GNPNAT1: variants seen among roughly 807,000 people sequenced by gnomAD.
GNPNAT1 encodes glucosamine 6-phosphate N-acetyltransferase.
A neutral mutation model predicts 19.8 loss-of-function variants in GNPNAT1; 11 were observed. That is an observed-to-expected ratio of 0.56 (90% confidence interval 0.35 to 0.92). The LOEUF (loss-of-function observed/expected upper bound fraction) is 0.92, where lower values mean the gene tolerates loss of function less well. Among genes scored for constraint, GNPNAT1 ranks in the 40% least tolerant of loss-of-function variants. The pLI is 0.01. For missense variants in GNPNAT1, 157 were observed against 211.0 expected, an observed-to-expected ratio of 0.74 and a Z score of 1.59; for synonymous variants, 71 against 72.3, an observed-to-expected ratio of 0.98 and a Z score of 0.09.
intron 1 of GNPNAT1, among the ~76,000 whole-genome samples, chr14:52,789,089 CA>C (rs1198842652): frequency 2.0e-5 from 3 of 152,124 alleles, no homozygotes; most frequent in African/African-American, 7.2e-5. Flanking sequence ...GTTAGAGTGC[CA>C]ATAAGAACAG....
chr14:52,783,323 C>G, intron 3 of GNPNAT1, 100 bp downstream of exon 3: 1 of 696,884 alleles, frequency 1.4e-6, no homozygotes, highest in Middle Eastern at 3.6e-4. Context: ...GAATAATTTC[C>G]AGCTATTTGA....
chr14:52,779,594 C>T (rs932817835), intron 5 of GNPNAT1, among the ~76,000 whole-genome samples: 5 of 151,860 alleles, frequency 3.3e-5, no homozygotes, highest in Admixed American at 3.3e-4. Context: ...GCGGCATGCA[C>T]CTGTAGTCCC....
intron 1 of GNPNAT1, among the ~76,000 whole-genome samples, chr14:52,789,986 CAAAAAAAAA>C (rs200756037): frequency 5.3e-4 from 57 of 107,224 alleles, no homozygotes; most frequent in African/African-American, 1.3e-3. Context: ...TCCAGAAGGA[CAAAAAAAAA>C]AAAAAAAAAA....
At chr14:52,782,258 T>A (rs1189731795) in intron 3 of GNPNAT1, among the ~76,000 whole-genome samples, 2 of 152,110 alleles carry the variant, frequency 1.3e-5, no homozygotes, top group African/African-American at 2.4e-5. Context: ...TCTCTTTAAC[T>A]TTTATACTCA....
chr14:52,775,322 ACTT>A lies in GNPNAT1; in HGVS notation c.*2986_*2988del. 6.6e-6 allele frequency: 1 copy of A among 152,180 alleles called. No homozygotes were observed. The highest frequency in any genetic ancestry group is 2.1e-4 in the South Asian group (1 of 4,828). 9.4% of individuals were successfully genotyped at this position (152,180 alleles called of 1,614,324 possible). A position where few individuals can be genotyped will look rare whatever the true frequency, so the allele number is the denominator to read the frequency against. On this transcript the variant is annotated 3_prime_UTR_variant, in exon 6 of 6. Transcript: ENST00000216410. Reference sequence around the variant, plus strand: ...CTTTCAGTCATTACAAAAAAAAAATACTTCTTGCTTTTATATTACCATCTTCCC... The same window carrying A: ...CTTTCAGTCATTACAAAAAAAAAATACTTGCTTTTATATTACCATCTTCCC...
At chr14:52,778,719 T>A (rs1320638883) in intron 5 of GNPNAT1, among the ~76,000 whole-genome samples, 2 of 152,120 alleles carry the variant, frequency 1.3e-5, no homozygotes, top group African/African-American at 2.4e-5. Context: ...TAAGCCCTCT[T>A]TAAAAATGAA....
chr14:52,785,689 C>T (rs1452735037), intron 1 of GNPNAT1, among the ~76,000 whole-genome samples: 1 of 150,808 alleles, frequency 6.6e-6, no homozygotes, highest in Non-Finnish European at 1.5e-5. Flanking sequence ...TGCGCCATTG[C>T]ACTCCAGCCT....
rs550140639 is a variant in GNPNAT1 at position 52,789,921 on chromosome 14, A to G, written c.-15+1507T>C. 2.0e-5 allele frequency among the ~76,000 whole-genome samples: 3 copies of G among 150,394 alleles called. No homozygotes were observed. In the South Asian group the frequency reaches 6.3e-4, roughly 32 times the overall value. ...GTTTAAGCCTAACCCTAGCCCAATA[A>G]TGCCTAGTGAATGAATAACGAATAA... On this transcript the variant is annotated intron_variant, in intron 1 of 5. Coordinates refer to ENST00000216410, the MANE Select transcript of GNPNAT1 (RefSeq NM_198066.4).
chr14:52,789,854 T>A (rs1186450359), intron 1 of GNPNAT1, among the ~76,000 whole-genome samples: 2 of 152,106 alleles, frequency 1.3e-5, no homozygotes, highest in Non-Finnish European at 2.9e-5. Flanking sequence ...CCTCAGAACC[T>A]TTTCTGATTA....
chr14:52,778,442 T>G lies in GNPNAT1; in HGVS notation c.424A>C (p.Thr142Pro), dbSNP rs756651827. The stretch of plus-strand genomic sequence containing the variant: ...CAGTTCAGTTTCTTGCTTAGCAAAG[T>G]AAGGGTTGATAATAACCTGAAATTT... ...QLGKLLLSTLTLLSKKLNCYK... is the reference protein window; with the variant it reads ...QLGKLLLSTLPLLSKKLNCYK... Residue 142 changes from threonine to proline, a missense_variant, in exon 6 of 6, where the codon ACT becomes CCT. Physicochemically the swap from Thr to Pro is conservative, Grantham distance 38. Coordinates refer to ENST00000216410, the MANE Select transcript of GNPNAT1 (RefSeq NM_198066.4). The G allele has an allele frequency of 3.1e-6, 5 of 1,605,828 alleles. No individual in the cohort carries two copies. Among genetic ancestry groups the G allele is most frequent in the Admixed American group, 1.7e-5 (1 of 57,384 alleles).
intron 2 of GNPNAT1, 106 bp downstream of exon 2, chr14:52,784,391 A>G: frequency 1.1e-6 from 1 of 908,916 alleles, no homozygotes; most frequent in Non-Finnish European, 1.6e-6. Context: ...AGTATTATAC[A>G]AAAAATAGTC....
intron 1 of GNPNAT1, among the ~76,000 whole-genome samples, chr14:52,785,928 T>G (rs1377557018): frequency 6.6e-6 from 1 of 150,842 alleles, no homozygotes; most frequent in Non-Finnish European, 1.5e-5. Context: ...TTTTTGTATT[T>G]TTAGTAGAGA....
Position 52,777,674 on chromosome 14 carries a change from GACTAT to G in GNPNAT1, c.*632_*636del, listed in dbSNP as rs1882770481. Reference sequence around the variant, plus strand: ...ACAAGTGGTACTTTTTATCTACATAGACTATACTATATAAACTTTCAGTAAAACAT... The same window carrying G: ...ACAAGTGGTACTTTTTATCTACATAGACTATATAAACTTTCAGTAAAACAT... On this transcript the variant is annotated 3_prime_UTR_variant, in exon 6 of 6. Coordinates refer to ENST00000216410, the MANE Select transcript of GNPNAT1 (RefSeq NM_198066.4). 6.6e-6 allele frequency: 1 copy of G among 152,074 alleles called. No homozygotes were observed. Among genetic ancestry groups the G allele is most frequent in the African/African-American group, 2.4e-5 (1 of 41,398 alleles). The allele number at this position is 152,074 out of a possible 1,614,324, so 9.4% of individuals were successfully genotyped here. A position where few individuals can be genotyped will look rare whatever the true frequency, so the allele number is the denominator to read the frequency against.
Position 52,777,444 on chromosome 14 carries a change from TTAAG to T in GNPNAT1, c.*863_*866del, listed in dbSNP as rs1882763391. On this transcript the variant is annotated 3_prime_UTR_variant, in exon 6 of 6. Transcript: ENST00000216410. ...GAATTTGGCAATCTAGTACAATACA[TTAAG>T]TATTGTGTTTCACTCAATTTTGTGA... 2 of 152,202 alleles carry T rather than the reference TTAAG, an allele frequency of 1.3e-5. No homozygotes were observed. Among genetic ancestry groups the T allele is most frequent in the African/African-American group, 4.8e-5 (2 of 41,452 alleles). 9.4% of individuals were successfully genotyped at this position (152,202 alleles called of 1,614,324 possible).
Position 52,778,036 on chromosome 14 carries a change from T to TTTAGAAAAATACAA in GNPNAT1, c.*261_*274dup, listed in dbSNP as rs2043623264. The stretch of plus-strand genomic sequence containing the variant: ...GACTACCAAGAAAGGAAGCCAAACT[T>TTTAGAAAAATACAA]TTAGAAAAATACAATGCAAGAAAAG... On this transcript the variant is annotated 3_prime_UTR_variant, in exon 6 of 6. Coordinates refer to ENST00000216410, the MANE Select transcript of GNPNAT1 (RefSeq NM_198066.4). 4.8e-6 allele frequency: 1 copy of TTTAGAAAAATACAA among 207,756 alleles called. No homozygotes were observed. Among genetic ancestry groups the TTTAGAAAAATACAA allele is most frequent in the African/African-American group, 2.3e-5 (1 of 43,438 alleles). 12.9% of individuals were successfully genotyped at this position (207,756 alleles called of 1,614,324 possible). A position where few individuals can be genotyped will look rare whatever the true frequency, so the allele number is the denominator to read the frequency against.
At chr14:52,786,961 G>A (rs1218441332) in intron 1 of GNPNAT1, among the ~76,000 whole-genome samples, 1 of 135,780 alleles carries the variant, frequency 7.4e-6, no homozygotes, top group African/African-American at 2.8e-5. Context: ...ATTCATTTGT[G>A]TTTCATATAC....
intron 1 of GNPNAT1, among the ~76,000 whole-genome samples, chr14:52,788,560 A>G (rs924997290): frequency 4.6e-5 from 7 of 152,252 alleles, no homozygotes; most frequent in African/African-American, 1.2e-4. Flanking sequence ...TCAGGTATGT[A>G]GATAAACAGG....
At position 52,785,751 on chromosome 14, in the gene GNPNAT1, CT is replaced by C. The variant is rs538972941; in HGVS notation, c.-14-1088del. Among the ~76,000 whole-genome samples, 1,243 of 138,334 alleles carry C rather than the reference CT, an allele frequency of 9.0e-3. 8 individuals carry two copies. Among genetic ancestry groups the C allele is most frequent in the Non-Finnish European group, 0.012 (751 of 63,388 alleles). The allele number at this position is 138,334 out of a possible 152,430, so 90.8% of individuals were successfully genotyped here. A position where few individuals can be genotyped will look rare whatever the true frequency, so the allele number is the denominator to read the frequency against. On this transcript the variant is annotated intron_variant, in intron 1 of 5. Coordinates refer to ENST00000216410, the MANE Select transcript of GNPNAT1 (RefSeq NM_198066.4). ...TCAAAAAACTTACTGGGCATGTAGC[CT>C]TTTTTTTTTTTTGAGATGGAGTTTC...
chr14:52,788,570 G>T (rs1018059601), intron 1 of GNPNAT1, among the ~76,000 whole-genome samples: 1 of 152,174 alleles, frequency 6.6e-6, no homozygotes, highest in African/African-American at 2.4e-5. Context: ...AGATAAACAG[G>T]CTAAGTATTA....
Sources: gnomAD v4.1 joint callset for allele counts (sites outside exome capture counted in the v4.1 genomes callset) on GRCh38, gnomAD v4.1.1 for gene constraint, MANE v1.5 for transcripts, NCBI Gene and HGNC (gene_info 2026-07-23, HGNC 2026-07-21) for gene names.